Variants in VPS13B observed in about 807,000 individuals in gnomAD.
VPS13B encodes vacuolar protein sorting 13 homolog B, also known as intermembrane lipid transfer protein VPS13B.
A neutral mutation model predicts 426.4 loss-of-function variants in VPS13B; 285 were observed. That is an observed-to-expected ratio of 0.67 (90% CI 0.61 to 0.74). VPS13B has a LOEUF of 0.74. Ranked by LOEUF, VPS13B falls within the 30% of genes least tolerant of loss-of-function variation. VPS13B has a pLI of 0.00. For synonymous variants in VPS13B, 1,676 were observed against 1,676.4 expected, an observed-to-expected ratio of 1.00 and a Z score of 0.01; for missense variants, 4,537 against 4,782.6, an observed-to-expected ratio of 0.95 and a Z score of 1.51.
chr8:99,135,450 A>G (rs1810025345), intron 10 of VPS13B, 146 bp from the exon 11 acceptor site: 4 of 1,121,572 alleles, frequency 3.6e-6, no homozygotes, highest in Admixed American at 2.6e-5. Flanking sequence ...AAAATAGTCA[A>G]TGAAGGTGGA....
At chr8:99,680,098 A>G (rs1368046085) in intron 35 of VPS13B, among the ~76,000 whole-genome samples, 1 of 152,216 alleles carries the variant, frequency 6.6e-6, no homozygotes, top group African/African-American at 2.4e-5. Context: ...ATAAAATTCC[A>G]CAGGAAGAAA....
rs1817726267 is a variant in VPS13B at position 99,876,925 on chromosome 8, C to T, written c.*1259C>T. The T allele has an allele frequency of 6.6e-6, 1 of 152,200 alleles. No individual in the cohort carries two copies. Among genetic ancestry groups the T allele is most frequent in the Non-Finnish European group, 1.5e-5 (1 of 68,060 alleles). The allele number at this position is 152,200 out of a possible 1,614,324, so 9.4% of individuals were successfully genotyped here. ...GAGTACAGTGGGAACAGTCATGGCT[C>T]ACTGCAGCTTAAGCTCACTGCCTGG... On this transcript the variant is annotated 3_prime_UTR_variant, in exon 62 of 62. Transcript: ENST00000357162.
At chr8:99,763,135 CAAAAAAAAAA>C (rs750289763) in intron 39 of VPS13B, among the ~76,000 whole-genome samples, 20 of 35,840 alleles carry the variant, frequency 5.6e-4, no homozygotes, top group African/African-American at 1.3e-3. Flanking sequence ...GACCTTGTCT[CAAAAAAAAAA>C]AAAAAAAAAA....
chr8:99,591,412 T>A (rs963123111), intron 33 of VPS13B, among the ~76,000 whole-genome samples: 13 of 152,126 alleles, frequency 8.5e-5, no homozygotes, highest in African/African-American at 2.9e-4. Flanking sequence ...TACTGGTTAT[T>A]TTGCCCGTTA....
At chr8:99,069,047 TA>T (rs1844709120) in intron 3 of VPS13B, among the ~76,000 whole-genome samples, 1 of 152,132 alleles carries the variant, frequency 6.6e-6, no homozygotes, top group Non-Finnish European at 1.5e-5. Flanking sequence ...ATTTAAAAAT[TA>T]TATATATTTT....
chr8:99,818,934 A>G (rs757309454), intron 47 of VPS13B, 46 bp downstream of exon 47: 1 of 1,152,338 alleles, frequency 8.7e-7, no homozygotes, highest in Admixed American at 2.1e-5. Context: ...CCTAGGAGAA[A>G]TTAAGTAGAA....
At chr8:99,765,364 A>G (rs1811163451) in intron 39 of VPS13B, among the ~76,000 whole-genome samples, 1 of 152,176 alleles carries the variant, frequency 6.6e-6, no homozygotes, top group Non-Finnish European at 1.5e-5. Flanking sequence ...CTCTTTGAGT[A>G]TTGGTGAAGT....
chr8:99,437,792 G>C (rs556322634), intron 22 of VPS13B, among the ~76,000 whole-genome samples: 6 of 152,000 alleles, frequency 3.9e-5, no homozygotes, highest in Non-Finnish European at 8.8e-5. Flanking sequence ...TAAGTTCACC[G>C]GTTCTTTCCA....
At chr8:99,253,572 A>G (rs909095593) in intron 17 of VPS13B, among the ~76,000 whole-genome samples, 2 of 152,148 alleles carry the variant, frequency 1.3e-5, no homozygotes, top group African/African-American at 4.8e-5. Context: ...TGATGTTTAT[A>G]TAATCTACTT....
chr8:99,023,385 C>T (rs1233836465), intron 2 of VPS13B, among the ~76,000 whole-genome samples: 1 of 152,014 alleles, frequency 6.6e-6, no homozygotes, highest in Admixed American at 6.5e-5. Flanking sequence ...ACATAATGAC[C>T]TTCATTTCCA....
At chr8:99,640,596 G>A (rs1829319045) in intron 33 of VPS13B, among the ~76,000 whole-genome samples, 2 of 152,098 alleles carry the variant, frequency 1.3e-5, no homozygotes, top group Admixed American at 1.3e-4. Flanking sequence ...GAGCCTGTCT[G>A]TCCTGAGAAA....
At chr8:99,435,296 GT>G (rs1195234347) in intron 22 of VPS13B, among the ~76,000 whole-genome samples, 10 of 152,214 alleles carry the variant, frequency 6.6e-5, no homozygotes, top group Non-Finnish European at 1.0e-4. Context: ...AATAGAAGTA[GT>G]TATATTAAAA....
chr8:99,427,458 T>C (rs1295018875), intron 21 of VPS13B, among the ~76,000 whole-genome samples: 1 of 151,124 alleles, frequency 6.6e-6, no homozygotes, highest in Admixed American at 6.6e-5. Flanking sequence ...AAGAAAGTCA[T>C]TGGTAGCTTG....
intron 35 of VPS13B, among the ~76,000 whole-genome samples, chr8:99,673,279 AT>A (rs1198794548): frequency 6.6e-6 from 1 of 151,678 alleles, no homozygotes; most frequent in Admixed American, 6.6e-5. Context: ...TTGATGGGAG[AT>A]TTTTTATTAC....
chr8:99,513,689 A>C (rs1401408549), intron 29 of VPS13B, among the ~76,000 whole-genome samples: 1 of 152,216 alleles, frequency 6.6e-6, no homozygotes, highest in Admixed American at 6.5e-5. Context: ...TTCACACCAC[A>C]AAATATCAAT....
chr8:99,111,144 A>G lies in VPS13B; in HGVS notation c.627A>G (p.Thr209=), dbSNP rs2132481722. 4 of 1,607,564 alleles carry G rather than the reference A, an allele frequency of 2.5e-6. No homozygotes were observed. Among genetic ancestry groups the G allele is most frequent in the Non-Finnish European group, 3.4e-6 (4 of 1,176,766 alleles). The change falls in exon 6 of 62, where the codon ACA becomes ACG. Residue 209 remains threonine (T), a synonymous_variant. Coordinates refer to ENST00000357162, the MANE Select transcript of VPS13B (RefSeq NM_152564.5). ...LRKVINFSDC[T]VCLDKRNASG... is the part of the protein sequence containing the mutation. ...AGGTTATCAATTTTTCTGACTGTAC[A>G]GTTTGTCTTGATAAACGGAATGCCA...
At position 99,699,539 on chromosome 8, in the gene VPS13B, G is replaced by T. The variant is rs1349822939; in HGVS notation, c.6061G>T (p.Asp2021Tyr). ...FLNGPADVNL[D>Y]ISKPLKANLS... ...TACTTCTATAGCGGATGTCAATTTG[G>T]ATATATCAAAGCCTTTGAAAGCAAA... Residue 2021 changes from aspartate to tyrosine, a missense_variant, in exon 36 of 62, where the codon GAT becomes TAT. This residue lies in a region of VPS13B where 4,311 missense variants were observed against 4,474.3 expected (regional missense o/e 0.96). Transcript: ENST00000357162. The T allele has an allele frequency of 6.2e-7, 1 of 1,613,578 alleles. No individual in the cohort carries two copies. The highest frequency in any genetic ancestry group is 8.5e-7 in the Non-Finnish European group (1 of 1,179,962).
At chr8:99,873,298 A>T (rs1368610067) in intron 61 of VPS13B, 1 of 152,142 alleles carries the variant, frequency 6.6e-6, no homozygotes, top group Non-Finnish European at 1.5e-5. Context: ...TCATAGCTGG[A>T]AGGAAACAGA....
chr8:99,410,468 A>C (rs1193419855), intron 21 of VPS13B, among the ~76,000 whole-genome samples: 1 of 151,958 alleles, frequency 6.6e-6, no homozygotes. Context: ...ACTCCATGTT[A>C]CCTCCTTTGT....
Sources: allele counts gnomAD v4.1 joint callset (sites outside exome capture counted in the v4.1 genomes callset), GRCh38; gene constraint gnomAD v4.1.1; regional missense constraint gnomAD v4.1.1; transcripts MANE v1.5; gene names NCBI Gene and HGNC (gene_info 2026-07-23, HGNC 2026-07-21).